Variants in EPS15L1 observed in about 807,000 individuals in gnomAD.
The protein encoded by EPS15L1 is epidermal growth factor receptor substrate 15-like 1.
EPS15L1 carries 43 observed loss-of-function variants against 117.1 expected under a neutral mutation model. That is an observed-to-expected ratio of 0.37 (90% confidence interval 0.29 to 0.47). The LOEUF (loss-of-function observed/expected upper bound fraction) is 0.47, where lower values mean the gene tolerates loss of function less well. EPS15L1 is among the 20% of genes least tolerant of loss of function. The pLI, the probability that EPS15L1 is intolerant of heterozygous loss-of-function variation, is 0.99. For synonymous variants in EPS15L1, 459 were observed against 470.5 expected (o/e 0.98, Z 0.32); for missense variants, 981 against 1,164.0 (o/e 0.84, Z 2.29).
intron 16 of EPS15L1, among the ~76,000 whole-genome samples, chr19:16,399,101 T>G (rs1254472218): frequency 2.6e-5 from 4 of 152,170 alleles, no homozygotes; most frequent in Non-Finnish European, 5.9e-5. Flanking sequence ...GCAAGCCCCC[T>G]GCACTGACAG....
chr19:16,413,569 C>T, intron 13 of EPS15L1: 2 of 725,316 alleles, frequency 2.8e-6, no homozygotes, highest in Non-Finnish European at 4.6e-6. Context: ...GCTGTGGCTA[C>T]AACATAGGGT....
At chr19:16,422,414 C>CTT (rs57143961) in intron 9 of EPS15L1, among the ~76,000 whole-genome samples, 7 of 151,328 alleles carry the variant, frequency 4.6e-5, no homozygotes, top group African/African-American at 1.5e-4. Context: ...TTCCTCTTCC[C>CTT]TTTTTTTTTA....
chr19:16,395,604 G>T, intron 16 of EPS15L1, 137 bp from the exon 17 acceptor site: 1 of 922,854 alleles, frequency 1.1e-6, no homozygotes, highest in Non-Finnish European at 1.6e-6. Flanking sequence ...GGAGTTCGAG[G>T]CTGGCCTGGG....
chr19:16,404,002 CT>C lies in EPS15L1; in HGVS notation c.1429-73del. 1 of 1,394,200 alleles carries C rather than the reference CT, an allele frequency of 7.2e-7. No individual in the cohort carries two copies. The highest frequency in any genetic ancestry group is 9.9e-7 in the Non-Finnish European group (1 of 1,008,308). The allele number at this position is 1,394,200 out of a possible 1,614,324, so 86.4% of individuals were successfully genotyped here. A position where few individuals can be genotyped will look rare whatever the true frequency, so the allele number is the denominator to read the frequency against. On this transcript the variant is annotated intron_variant, in intron 14 of 23. Transcript: ENST00000455140. The surrounding 1 kb of genome is among the most constrained non-coding windows in gnomAD (Gnocchi z 4.2). ...TGAAATGGGACTCCGAGAAAGAACT[CT>C]TAGCCCCCATCCCCGAAACAAGCTA...
chr19:16,393,517 C>A (rs576572053), intron 18 of EPS15L1, among the ~76,000 whole-genome samples: 3 of 151,126 alleles, frequency 2.0e-5, no homozygotes, highest in African/African-American at 7.3e-5. Context: ...GGCGTGGTAG[C>A]GGGCGCCTGT....
intron 22 of EPS15L1, among the ~76,000 whole-genome samples, chr19:16,366,775 A>G (rs750480530): frequency 6.6e-6 from 1 of 152,122 alleles, no homozygotes; most frequent in Non-Finnish European, 1.5e-5. Context: ...AGACGCTTTG[A>G]GCAAAGAAAG....
Position 16,421,819 on chromosome 19 carries a change from G to C in EPS15L1, c.793-343C>G, listed in dbSNP as rs376401617. 1.4e-4 allele frequency among the ~76,000 whole-genome samples: 21 copies of C among 152,162 alleles called. No homozygotes were observed. The East Asian group carries it at 3.1e-3, about 22-fold the overall frequency. Reference sequence around the variant, plus strand: ...CAAGCATGCCAGGAAAGACCCTCCCGAGCACCCACTTGGAAGGACCGTCCC... The same window carrying C: ...CAAGCATGCCAGGAAAGACCCTCCCCAGCACCCACTTGGAAGGACCGTCCC... On this transcript the variant is annotated intron_variant, in intron 9 of 23. Transcript: ENST00000455140.
chr19:16,393,119 A>G (rs924901013), intron 18 of EPS15L1, among the ~76,000 whole-genome samples: 3 of 105,268 alleles, frequency 2.8e-5, no homozygotes, highest in Non-Finnish European at 6.5e-5. Context: ...TAATAATAAT[A>G]ATAATAAACA....
intron 22 of EPS15L1, among the ~76,000 whole-genome samples, chr19:16,366,005 G>T (rs2092128096): frequency 6.6e-6 from 1 of 152,160 alleles, no homozygotes; most frequent in Non-Finnish European, 1.5e-5. Flanking sequence ...TGCCCTTCCT[G>T]GTTTGCAGGA....
chr19:16,433,995 A>ATAAG (rs2092954585), intron 7 of EPS15L1, among the ~76,000 whole-genome samples: 1 of 152,078 alleles, frequency 6.6e-6, no homozygotes, highest in Admixed American at 6.6e-5. Context: ...AAATAAATAA[A>ATAAG]TAGACACAGA....
chr19:16,428,600 A>AAAGAAAAGAAAAG (rs1367643626), intron 8 of EPS15L1, 102 bp downstream of exon 8: 25 of 750,934 alleles, frequency 3.3e-5, no homozygotes, highest in Non-Finnish European at 6.5e-6. Context: ...AAAGAAAAGA[A>AAAGAAAAGAAAAG]AAAAGAAAAG....
chr19:16,414,405 A>G (rs1470046317), intron 12 of EPS15L1, among the ~76,000 whole-genome samples: 2 of 149,682 alleles, frequency 1.3e-5, no homozygotes, highest in East Asian at 1.9e-4. Context: ...CTGAACTACT[A>G]CTTTTTTTTT....
In EPS15L1 at chr19:16,370,152, C is replaced by T. The variant is rs1019478970; in HGVS notation, c.2380+6970G>A. On this transcript the variant is annotated intron_variant, in intron 22 of 23. Coordinates refer to ENST00000455140, the MANE Select transcript of EPS15L1 (RefSeq NM_001258374.3). The surrounding 1 kb of genome is among the most constrained non-coding windows in gnomAD (Gnocchi z 5.2). The stretch of plus-strand genomic sequence containing the variant: ...GGGAGCAAGTGAGGCGCAGAGCCCA[C>T]CAGGAGCTCCCATGGTGGGGGACAC... 4.6e-5 allele frequency among the ~76,000 whole-genome samples: 7 copies of T among 152,202 alleles called. No individual in the cohort carries two copies. The highest frequency in any genetic ancestry group is 1.7e-4 in the African/African-American group (7 of 41,442).
chr19:16,384,106 C>T (rs555441534), intron 21 of EPS15L1: 2 of 152,462 alleles, frequency 1.3e-5, no homozygotes, highest in African/African-American at 2.4e-5. Flanking sequence ...TGCCTCTTCC[C>T]GCAGCGTGGA....
Position 16,471,871 on chromosome 19 carries a change from C to A in EPS15L1, c.33+42G>T. On this transcript the variant is annotated intron_variant, in intron 1 of 23. Transcript: ENST00000455140. The surrounding 1 kb of genome is among the most constrained non-coding windows in gnomAD (Gnocchi z 4.8). Reference sequence around the variant, plus strand: ...GCCTCGCCGCACCGCTCGCCTCGCGCCCCGCACCCCGGCGCCGCCCCCAGG... The same window carrying A: ...GCCTCGCCGCACCGCTCGCCTCGCGACCCGCACCCCGGCGCCGCCCCCAGG... 1 of 1,227,046 alleles carries A rather than the reference C, an allele frequency of 8.1e-7. No homozygotes were observed. The highest frequency in any genetic ancestry group is 2.2e-5 in the South Asian group (1 of 46,080). The allele number at this position is 1,227,046 out of a possible 1,614,324, so 76.0% of individuals were successfully genotyped here.
intron 1 of EPS15L1, among the ~76,000 whole-genome samples, chr19:16,465,731 CT>C (rs1220467681): frequency 6.6e-6 from 1 of 152,086 alleles, no homozygotes; most frequent in South Asian, 2.1e-4. Context: ...CCCTCTCTAC[CT>C]TTTAATGAGA....
intron 1 of EPS15L1, among the ~76,000 whole-genome samples, chr19:16,464,026 G>A (rs979359279): frequency 3.3e-5 from 5 of 152,234 alleles, no homozygotes; most frequent in African/African-American, 1.2e-4. Flanking sequence ...GAAACACGGG[G>A]AGCAGGTGTG....
At chr19:16,398,450 C>T (rs758664001) in intron 16 of EPS15L1, among the ~76,000 whole-genome samples, 18 of 152,052 alleles carry the variant, frequency 1.2e-4, no homozygotes, top group Non-Finnish European at 2.4e-4. Context: ...GCCCAGCAAG[C>T]GTCTGATGGG....
chr19:16,355,631 GTA>G lies in EPS15L1; in HGVS notation c.*72_*73del. On this transcript the variant is annotated 3_prime_UTR_variant, in exon 24 of 24. Transcript: ENST00000455140. ...AGTACGGTGGCGACGGTGTGTGTGT[GTA>G]TATATAGACATCTGCACTGCCCCCT... The G allele has an allele frequency of 2.9e-5, 42 of 1,467,316 alleles. No individual in the cohort carries two copies. The highest frequency in any genetic ancestry group is 3.4e-5 in the Non-Finnish European group (37 of 1,095,926). The allele number at this position is 1,467,316 out of a possible 1,614,324, so 90.9% of individuals were successfully genotyped here. A position where few individuals can be genotyped will look rare whatever the true frequency, so the allele number is the denominator to read the frequency against.
Sources: gnomAD v4.1 joint callset for allele counts (sites outside exome capture counted in the v4.1 genomes callset) on GRCh38, gnomAD v4.1.1 for gene constraint, Gnocchi (gnomAD v3.1) non-coding constraint, MANE v1.5 for transcripts, NCBI Gene and HGNC (gene_info 2026-07-23, HGNC 2026-07-21) for gene names.